STAU1: variants seen among roughly 807,000 people sequenced by gnomAD.
STAU1 encodes staufen double-stranded RNA binding protein 1, also known as double-stranded RNA-binding protein Staufen homolog 1.
Under a neutral mutation model 62.9 loss-of-function variants are expected in STAU1, and 13 were observed. That is an observed-to-expected ratio of 0.21 (90% CI 0.13 to 0.33). The LOEUF (loss-of-function observed/expected upper bound fraction) is 0.33, where lower values mean the gene tolerates loss of function less well. STAU1 is among the 10% of genes least tolerant of loss of function. The pLI is 1.00. For missense variants in STAU1, 571 were observed against 712.1 expected (o/e 0.80, Z 2.25); for synonymous variants, 269 against 265.1 (o/e 1.01, Z -0.14).
intron 5 of STAU1, among the ~76,000 whole-genome samples, chr20:49,136,290 G>A (rs921947148): frequency 2.6e-5 from 4 of 152,104 alleles, no homozygotes; most frequent in African/African-American, 7.2e-5. Context: ...GTGACACAGC[G>A]AGACGCTGTC....
intron 6 of STAU1, among the ~76,000 whole-genome samples, chr20:49,130,437 T>C (rs34841991): frequency 0.22 from 32,828 of 151,922 alleles, 3,625 homozygotes; most frequent in African/African-American, 0.24. Flanking sequence ...TTACACAGGG[T>C]GACTTTCACT....
rs776310026 is a variant in STAU1, at chr20:49,135,897, T to C, written c.545A>G (p.Asn182Ser). 21 of 1,614,006 alleles carry C rather than the reference T, an allele frequency of 1.3e-5. No individual in the cohort carries two copies. In the East Asian group the frequency reaches 1.8e-4, roughly 14 times the overall value. ...NGRESEEENLNKSEISQVFEI... is the reference protein window; with the variant it reads ...NGRESEEENLSKSEISQVFEI... ...AAACACTTGACTTATTTCAGATTTA[T>C]TGAGATTTTCTTCTTCGGATTCTCT... The change falls in exon 6 of 14, where the codon AAT becomes AGT. Residue 182 changes from asparagine (N) to serine (S), a missense_variant. Coordinates refer to ENST00000371856, the MANE Select transcript of STAU1 (RefSeq NM_017453.4).
chr20:49,130,560 T>C (rs562708331), intron 6 of STAU1, among the ~76,000 whole-genome samples: 41 of 152,058 alleles, frequency 2.7e-4, no homozygotes, highest in Non-Finnish European at 5.4e-4. Context: ...TCAAAATGGG[T>C]GACGATAACA....
intron 5 of STAU1, among the ~76,000 whole-genome samples, chr20:49,151,135 C>T (rs1054864054): frequency 1.4e-4 from 22 of 152,192 alleles, no homozygotes. Context: ...CTATGATGGT[C>T]TGTTATGAGG....
chr20:49,189,828 C>T (rs2093827687), upstream of STAU1, among the ~76,000 whole-genome samples: 2 of 152,034 alleles, frequency 1.3e-5, no homozygotes, highest in Admixed American at 6.6e-5. Flanking sequence ...AATAATTGCT[C>T]AATCTCTCTT....
intron 1 of STAU1, among the ~76,000 whole-genome samples, chr20:49,175,814 T>TTTTTTTTGTCG: frequency 6.9e-6 from 1 of 144,218 alleles, no homozygotes; most frequent in Non-Finnish European, 1.5e-5. Context: ...TTTTTTTTTT[T>TTTTTTTTGTCG]GAGACGGAGT....
At chr20:49,150,184 G>A (rs2093218144) in intron 5 of STAU1, among the ~76,000 whole-genome samples, 1 of 152,042 alleles carries the variant, frequency 6.6e-6, no homozygotes. Context: ...GAATTATATT[G>A]CTATTTAGTC....
At chr20:49,118,632 C>A (rs2092389375) in intron 9 of STAU1, among the ~76,000 whole-genome samples, 1 of 152,216 alleles carries the variant, frequency 6.6e-6, no homozygotes, top group Non-Finnish European at 1.5e-5. Flanking sequence ...CCACAAAGAG[C>A]ATCTAACAAA....
chr20:49,119,975 C>A lies in STAU1; in HGVS notation c.1113+7G>T, dbSNP rs1399772995. 6.2e-7 allele frequency: 1 copy of A among 1,613,374 alleles called. No individual in the cohort carries two copies. The highest frequency in any genetic ancestry group is 8.5e-7 in the Non-Finnish European group (1 of 1,179,498). On this transcript the variant is annotated splice_region_variant and intron_variant, in intron 9 of 13. Transcript: ENST00000371856. ...CATCTTGCAATCAGAGAGCCCACAG[C>A]ACTCACCTTCTCCTCTGACTTGAGT...
At chr20:49,211,745 T>A in the STAU1 span, among the ~76,000 whole-genome samples, 14 of 152,124 alleles carry the variant, frequency 9.2e-5, no homozygotes, top group Admixed American at 4.6e-4. Flanking sequence ...TGGCCTCAAG[T>A]GATCAGCCCA....
chr20:49,200,350 G>A, the STAU1 span, among the ~76,000 whole-genome samples: 1 of 152,136 alleles, frequency 6.6e-6, no homozygotes, highest in Admixed American at 6.6e-5. Context: ...TGTAATCCCA[G>A]CACTTTGGAA....
the STAU1 span, among the ~76,000 whole-genome samples, chr20:49,218,872 C>T: frequency 1.3e-5 from 2 of 151,746 alleles, no homozygotes; most frequent in Non-Finnish European, 2.9e-5. Flanking sequence ...TGAAACTCCG[C>T]CGGGCGTGGT....
the STAU1 span, among the ~76,000 whole-genome samples, chr20:49,196,444 C>CAAAAAAAAA: frequency 1.9e-4 from 17 of 91,532 alleles, no homozygotes; most frequent in South Asian, 3.2e-4. Context: ...CAAAACAAAA[C>CAAAAAAAAA]AAAAAAAAAA....
upstream of STAU1, chr20:49,188,472 G>A (rs2093820528): frequency 6.7e-6 from 1 of 150,356 alleles, no homozygotes; most frequent in Non-Finnish European, 1.5e-5. Context: ...GGCTGGCACT[G>A]CGGCGGAGCC....
intron 4 of STAU1, 23 bp downstream of exon 4, chr20:49,153,906 CAAAA>C (rs3092191): frequency 0.011 from 14,711 of 1,362,282 alleles, no homozygotes; most frequent in African/African-American, 0.021. Context: ...CTGTATTTTA[CAAAA>C]AAAAAAAAAA....
chr20:49,162,892 A>G (rs1026511798), intron 3 of STAU1, among the ~76,000 whole-genome samples: 2 of 151,978 alleles, frequency 1.3e-5, no homozygotes, highest in Non-Finnish European at 2.9e-5. Flanking sequence ...TAACTCTGGT[A>G]TAGAAATACC....
At chr20:49,156,662 C>T (rs991360139) in intron 3 of STAU1, among the ~76,000 whole-genome samples, 5 of 152,110 alleles carry the variant, frequency 3.3e-5, no homozygotes, top group Admixed American at 6.5e-5. Flanking sequence ...GTCAGCAGTA[C>T]TGTAAATTCC....
intron 7 of STAU1, among the ~76,000 whole-genome samples, 183 bp downstream of exon 7, chr20:49,124,192 T>C (rs746251757): frequency 1.3e-5 from 2 of 152,240 alleles, no homozygotes; most frequent in Admixed American, 6.5e-5. Context: ...TCTACTGAAC[T>C]GACACAATGT....
intron 5 of STAU1, among the ~76,000 whole-genome samples, chr20:49,145,459 G>A (rs538364806): frequency 5.6e-5 from 8 of 144,072 alleles, no homozygotes; most frequent in African/African-American, 1.6e-4. Flanking sequence ...AAGACCAAGC[G>A]TGGTGGCTCA....
Sources: allele counts gnomAD v4.1 joint callset (sites outside exome capture counted in the v4.1 genomes callset), GRCh38; gene constraint gnomAD v4.1.1; transcripts MANE v1.5; gene names NCBI Gene and HGNC (gene_info 2026-07-23, HGNC 2026-07-21).